Variants in NTM observed in about 807,000 individuals in gnomAD.
NTM encodes IgLON family member 2.
NTM carries 13 observed loss-of-function variants against 42.1 expected under a neutral mutation model. That is an observed-to-expected ratio of 0.31 (90% CI 0.20 to 0.49). NTM has a LOEUF of 0.49. Ranked by LOEUF, NTM falls within the 20% of genes least tolerant of loss-of-function variation. NTM has a pLI of 0.99. For missense variants in NTM, 373 were observed against 452.8 expected (o/e 0.82, Z 1.60); for synonymous variants, 187 against 179.2 (o/e 1.04, Z -0.35).
chr11:131,847,732 A>AT, intron 1 of NTM, among the ~76,000 whole-genome samples: 1 of 152,318 alleles, frequency 6.6e-6, no homozygotes, highest in South Asian at 2.1e-4. Flanking sequence ...AAAAAAAATA[A>AT]AAATAAAATA....
At chr11:131,473,812 C>T (rs1047020233) in intron 1 of NTM, among the ~76,000 whole-genome samples, 7 of 152,154 alleles carry the variant, frequency 4.6e-5, no homozygotes, top group African/African-American at 1.7e-4. Flanking sequence ...ATGAGGTAGC[C>T]CTCTCCCTGC....
chr11:131,571,294 T>C (rs1445249133), intron 1 of NTM, among the ~76,000 whole-genome samples: 1 of 152,220 alleles, frequency 6.6e-6, no homozygotes. Flanking sequence ...TGAAAGACTC[T>C]GATGAAGTGA....
At chr11:131,691,282 G>A (rs1019646670) in intron 1 of NTM, among the ~76,000 whole-genome samples, 2 of 152,216 alleles carry the variant, frequency 1.3e-5, no homozygotes, top group African/African-American at 2.4e-5. Flanking sequence ...CCCAGCAAGC[G>A]CCCCTCTGTT....
intron 1 of NTM, among the ~76,000 whole-genome samples, chr11:131,810,255 A>G (rs897408054): frequency 2.0e-5 from 3 of 151,940 alleles, no homozygotes; most frequent in East Asian, 3.9e-4. Flanking sequence ...CCCCAAACAC[A>G]TTGACTCCCT....
At chr11:132,010,100 C>T (rs1249925534) in intron 2 of NTM, among the ~76,000 whole-genome samples, 1 of 152,162 alleles carries the variant, frequency 6.6e-6, no homozygotes, top group Non-Finnish European at 1.5e-5. Flanking sequence ...TTTAGAAAAT[C>T]CAAACACTTA....
chr11:132,027,330 G>T (rs1337700660), intron 2 of NTM, among the ~76,000 whole-genome samples: 1 of 152,124 alleles, frequency 6.6e-6, no homozygotes, highest in Non-Finnish European at 1.5e-5. Flanking sequence ...AATAAAAATG[G>T]GGAAATAACG....
intron 1 of NTM, among the ~76,000 whole-genome samples, chr11:131,776,848 C>G (rs1473447726): frequency 6.6e-6 from 1 of 152,234 alleles, no homozygotes; most frequent in East Asian, 1.9e-4. Context: ...ATCCAGCCAG[C>G]CAAAGAAGGA....
chr11:132,023,943 C>T (rs185743889), intron 2 of NTM, among the ~76,000 whole-genome samples: 71 of 151,790 alleles, frequency 4.7e-4, no homozygotes, highest in East Asian at 3.1e-3. Context: ...CTCAGCCTCC[C>T]GAGTAGCTGG....
At chr11:132,121,027 C>T (rs934700162) in intron 2 of NTM, among the ~76,000 whole-genome samples, 30 of 152,116 alleles carry the variant, frequency 2.0e-4, no homozygotes, top group Non-Finnish European at 2.9e-5. Context: ...AAAATATGTC[C>T]AGTGGTCACC....
At chr11:132,278,749 CTCTCTCTCTCTCTCTCT>C (rs2093839522) in intron 4 of NTM, among the ~76,000 whole-genome samples, 1 of 65,246 alleles carries the variant, frequency 1.5e-5, no homozygotes, top group African/African-American at 5.9e-5. Context: ...GGGCTTCTCT[CTCTCTCTCTCTCTCTCT>C]CTCTCTCTCT....
chr11:131,728,246 GT>G (rs1056411394), intron 1 of NTM, among the ~76,000 whole-genome samples: 17 of 152,266 alleles, frequency 1.1e-4, no homozygotes, highest in African/African-American at 3.9e-4. Context: ...CCACAAGACT[GT>G]TTCCCCACTT....
intron 1 of NTM, among the ~76,000 whole-genome samples, chr11:131,807,081 A>C (rs1280197420): frequency 1.3e-5 from 2 of 152,170 alleles, no homozygotes; most frequent in Non-Finnish European, 1.5e-5. Context: ...TCAAGCTAAG[A>C]AGAGAAGGAA....
In NTM at chr11:131,742,992, G is replaced by A. The variant is rs61558782; in HGVS notation, c.83-168572G>A. On this transcript the variant is annotated intron_variant, in intron 1 of 8. Coordinates refer to ENST00000683400, the MANE Select transcript of NTM (RefSeq NM_001352005.2). ...AACTTCACTTTTATCAGCTGTTCATGCATTTATGTCAACCACCTGAGGTCT... is the reference window on the plus strand; with the variant it reads ...AACTTCACTTTTATCAGCTGTTCATACATTTATGTCAACCACCTGAGGTCT... Among the ~76,000 whole-genome samples, 1,377 of 152,290 alleles carry A rather than the reference G, an allele frequency of 9.0e-3. 22 individuals carry two copies. The highest frequency in any genetic ancestry group is 0.031 in the African/African-American group (1,281 of 41,560).
At chr11:131,946,805 G>A (rs759838523) in intron 2 of NTM, among the ~76,000 whole-genome samples, 2 of 152,102 alleles carry the variant, frequency 1.3e-5, no homozygotes, top group African/African-American at 4.8e-5. Context: ...ACTCTATTTT[G>A]TAAGGTTCCA....
intron 1 of NTM, among the ~76,000 whole-genome samples, chr11:131,753,741 G>A (rs1187949273): frequency 6.6e-6 from 1 of 151,622 alleles, no homozygotes; most frequent in East Asian, 1.9e-4. Flanking sequence ...GGGGACTGTT[G>A]TGGGGTGGTT....
chr11:131,848,963 C>T (rs1261373913), intron 1 of NTM, among the ~76,000 whole-genome samples: 1 of 152,160 alleles, frequency 6.6e-6, no homozygotes, highest in East Asian at 1.9e-4. Flanking sequence ...AAGTGGATGA[C>T]TTTTCTTACA....
chr11:131,627,931 T>C (rs890505781), intron 1 of NTM, among the ~76,000 whole-genome samples: 1 of 152,184 alleles, frequency 6.6e-6, no homozygotes, highest in Non-Finnish European at 1.5e-5. Flanking sequence ...TTCCATGTTT[T>C]AGTGCTTGGA....
Position 131,773,220 on chromosome 11 carries a change from G to T in NTM, c.83-138344G>T, listed in dbSNP as rs529026681. Among the ~76,000 whole-genome samples, 8 of 152,300 alleles carry T rather than the reference G, an allele frequency of 5.3e-5. No individual in the cohort carries two copies. The South Asian group carries it at 1.7e-3, about 32-fold the overall frequency. The stretch of plus-strand genomic sequence containing the variant: ...TGCTGTGTCCTCCGGAGGGGCCAAG[G>T]CTGTGTCCTCACATGGTGTAAGGGA... On this transcript the variant is annotated intron_variant, in intron 1 of 8. Transcript: ENST00000683400.
At chr11:131,834,852 C>T (rs1175061419) in intron 1 of NTM, among the ~76,000 whole-genome samples, 2 of 151,816 alleles carry the variant, frequency 1.3e-5, no homozygotes, top group East Asian at 3.9e-4. Flanking sequence ...GGATATGTGG[C>T]CTAAAACATT....
Sources: gnomAD v4.1 joint callset for allele counts (sites outside exome capture counted in the v4.1 genomes callset) on GRCh38, gnomAD v4.1.1 for gene constraint, MANE v1.5 for transcripts, NCBI Gene and HGNC (gene_info 2026-07-23, HGNC 2026-07-21) for gene names.